The following STAB2 variants were observed in gnomAD, a reference collection of about 807,000 sequenced individuals.
STAB2 encodes stabilin-2.
Under a neutral mutation model 338.1 loss-of-function variants are expected in STAB2, and 288 were observed. That is an observed-to-expected ratio of 0.85 (90% confidence interval 0.77 to 0.94). The LOEUF (loss-of-function observed/expected upper bound fraction) is 0.94. Ranked by LOEUF, STAB2 falls within the 40% of genes least tolerant of loss-of-function variation. The pLI, the probability that STAB2 is intolerant of heterozygous loss-of-function variation, is 0.00. For missense variants in STAB2, 3,141 were observed against 3,210.1 expected, an observed-to-expected ratio of 0.98 and a Z score of 0.52; for synonymous variants, 1,202 against 1,193.3, an observed-to-expected ratio of 1.01 and a Z score of -0.15.
chr12:103,739,392 T>A lies in STAB2; in HGVS notation c.5698-20T>A. The A allele has an allele frequency of 6.4e-7, 1 of 1,563,462 alleles. No individual in the cohort carries two copies. Among genetic ancestry groups the A allele is most frequent in the Non-Finnish European group, 8.6e-7 (1 of 1,156,488 alleles). ...TTCTGATATTCTTGGTTTTCAAGTG[T>A]TTCTTTTCTTGCATACTAGGGGGAG... On this transcript the variant is annotated intron_variant, in intron 53 of 68. Transcript: ENST00000388887.
intron 30 of STAB2, among the ~76,000 whole-genome samples, chr12:103,690,929 T>A (rs1237226255): frequency 1.3e-5 from 2 of 152,246 alleles, no homozygotes; most frequent in African/African-American, 2.4e-5. Flanking sequence ...GAGTTGAGTC[T>A]ATATATACTC....
intron 22 of STAB2, 75 bp from the exon 23 acceptor site, chr12:103,673,832 C>T: frequency 6.7e-7 from 1 of 1,491,744 alleles, no homozygotes; most frequent in Non-Finnish European, 9.1e-7. Flanking sequence ...TGGTCCCTGT[C>T]CTCCAGGGTG....
intron 6 of STAB2, among the ~76,000 whole-genome samples, chr12:103,633,083 A>G (rs7301442): frequency 0.02 from 3,020 of 152,242 alleles, 114 homozygotes; most frequent in African/African-American, 0.069. Context: ...TCCAGTCCAA[A>G]TGCAAAGGCA....
At chr12:103,734,231 A>T (rs904501429) in intron 51 of STAB2, among the ~76,000 whole-genome samples, 3 of 147,424 alleles carry the variant, frequency 2.0e-5, no homozygotes, top group Non-Finnish European at 4.5e-5. Flanking sequence ...CATAGGAGCA[A>T]ACATCATAAA....
chr12:103,711,606 T>C, intron 40 of STAB2, 90 bp downstream of exon 40: 5 of 1,434,850 alleles, frequency 3.5e-6, no homozygotes, highest in Non-Finnish European at 4.8e-6. Context: ...AGGGGATTTG[T>C]TTCCTGACAC....
chr12:103,591,328 T>C (rs1297356868), intron 2 of STAB2, among the ~76,000 whole-genome samples: 1 of 151,786 alleles, frequency 6.6e-6, no homozygotes, highest in Non-Finnish European at 1.5e-5. Flanking sequence ...CTACTAAAAA[T>C]ACAAAAATTA....
At chr12:103,739,516 C>T in intron 54 of STAB2, 48 bp downstream of exon 54, 1 of 1,356,250 alleles carries the variant, frequency 7.4e-7, no homozygotes, top group South Asian at 1.4e-5. Context: ...AGGTCTGTTT[C>T]ATTATCAGAC....
chr12:103,607,633 G>A (rs1386909071), intron 3 of STAB2, among the ~76,000 whole-genome samples: 1 of 151,668 alleles, frequency 6.6e-6, no homozygotes, highest in East Asian at 1.9e-4. Flanking sequence ...GAGAACATGT[G>A]GTGTTTGGTT....
chr12:103,622,009 G>T (rs370182651), intron 4 of STAB2, 33 bp from the exon 5 acceptor site: 12 of 1,612,490 alleles, frequency 7.4e-6, no homozygotes, highest in Admixed American at 1.7e-5. Context: ...GGTCACCTTG[G>T]GTCTAATGTC....
intron 3 of STAB2, among the ~76,000 whole-genome samples, chr12:103,600,501 A>G (rs1183841626): frequency 1.3e-5 from 2 of 152,222 alleles, no homozygotes; most frequent in Non-Finnish European, 2.9e-5. Flanking sequence ...TACTGATCCC[A>G]TCACAGAGAC....
intron 27 of STAB2, among the ~76,000 whole-genome samples, chr12:103,687,757 G>A (rs931731332): frequency 1.8e-4 from 27 of 152,144 alleles, no homozygotes; most frequent in African/African-American, 6.5e-4. Context: ...AAACCCATGT[G>A]GTTTGCTTCC....
chr12:103,749,211 C>A, intron 59 of STAB2, 55 bp downstream of exon 59: 1 of 1,516,286 alleles, frequency 6.6e-7, no homozygotes, highest in East Asian at 2.3e-5. Context: ...CTTCGCTCCT[C>A]CTTGCCTTTC....
At chr12:103,703,532 G>C (rs549945713) in intron 35 of STAB2, among the ~76,000 whole-genome samples, 1 of 152,294 alleles carries the variant, frequency 6.6e-6, no homozygotes, top group Non-Finnish European at 1.5e-5. Context: ...AGGCTGCCAG[G>C]TGTGTGGGGA....
intron 5 of STAB2, among the ~76,000 whole-genome samples, chr12:103,629,082 C>T (rs934301574): frequency 6.6e-6 from 1 of 152,122 alleles, no homozygotes; most frequent in African/African-American, 2.4e-5. Flanking sequence ...TCATTCCAAG[C>T]AGTTCCAATC....
chr12:103,671,686 A>G (rs1238199108), intron 22 of STAB2, among the ~76,000 whole-genome samples: 2 of 152,188 alleles, frequency 1.3e-5, no homozygotes, highest in East Asian at 3.8e-4. Flanking sequence ...CACAAATATT[A>G]TTATCTCACT....
At chr12:103,643,940 C>T (rs796674107) in intron 9 of STAB2, among the ~76,000 whole-genome samples, 8 of 26,962 alleles carry the variant, frequency 3.0e-4, no homozygotes, top group African/African-American at 1.0e-3. Flanking sequence ...GCCAGCCGCC[C>T]CGTCCGGGAG....
intron 5 of STAB2, among the ~76,000 whole-genome samples, chr12:103,631,290 T>G (rs1299691582): frequency 6.6e-6 from 1 of 152,182 alleles, no homozygotes; most frequent in East Asian, 1.9e-4. Flanking sequence ...ATTAATTCTC[T>G]TGTTGAGGTA....
chr12:103,603,854 G>A (rs1035449201), intron 3 of STAB2, among the ~76,000 whole-genome samples: 8 of 152,216 alleles, frequency 5.3e-5, no homozygotes, highest in Middle Eastern at 3.4e-3. Flanking sequence ...TAACGACCCC[G>A]TAGCTCTCCA....
In STAB2 at chr12:103,735,059, A is replaced by T. The variant is rs116713558; in HGVS notation, c.5461-432A>T. ...CCTCATCCTAACTAGTTACATCAGC[A>T]ATGACCTCATTTCCAAATAAGATCA... On this transcript the variant is annotated intron_variant, in intron 51 of 68. Transcript: ENST00000388887. Among the ~76,000 whole-genome samples, 839 of 152,282 alleles carry T rather than the reference A, an allele frequency of 5.5e-3. 5 individuals carry two copies. Among genetic ancestry groups the T allele is most frequent in the African/African-American group, 0.019 (797 of 41,554 alleles).
Sources: gnomAD v4.1 joint callset for allele counts (sites outside exome capture counted in the v4.1 genomes callset) on GRCh38, gnomAD v4.1.1 for gene constraint, MANE v1.5 for transcripts, NCBI Gene and HGNC (gene_info 2026-07-23, HGNC 2026-07-21) for gene names.